HOXB3: variants seen among roughly 807,000 people sequenced by gnomAD.
HOXB3 encodes the protein homeobox B3, also known as homeobox protein Hox-B3.
A neutral mutation model predicts 29.2 loss-of-function variants in HOXB3; 17 were observed. The observed-to-expected ratio is 0.58, with a 90% confidence interval of 0.40 to 0.87. HOXB3 has a LOEUF of 0.87. Among genes scored for constraint, HOXB3 ranks in the 40% least tolerant of loss-of-function variants. The probability of loss-of-function intolerance (pLI) is 0.00; values close to 1 mark genes in which losing one functional copy is unlikely to be tolerated. For synonymous variants in HOXB3, 317 were observed against 285.9 expected (o/e 1.11, Z -1.10); for missense variants, 637 against 616.3 (o/e 1.03, Z -0.35).
intron 2 of HOXB3, among the ~76,000 whole-genome samples, chr17:48,563,482 T>G (rs1435590668): frequency 6.6e-6 from 1 of 152,154 alleles, no homozygotes; most frequent in Non-Finnish European, 1.5e-5. Flanking sequence ...CAAACATACC[T>G]ACACATGTGC....
At chr17:48,582,040 G>C (rs1267825782) in intron 1 of HOXB3, 1 of 152,358 alleles carries the variant, frequency 6.6e-6, no homozygotes, top group African/African-American at 2.4e-5. Flanking sequence ...GGGTCTTTCC[G>C]TGGCTTCCCA....
At chr17:48,568,004 C>A (rs1261783645) in intron 2 of HOXB3, among the ~76,000 whole-genome samples, 1 of 152,190 alleles carries the variant, frequency 6.6e-6, no homozygotes, top group Admixed American at 6.5e-5. Flanking sequence ...ACACATCAGT[C>A]CTATAAATTA....
Position 48,550,609 on chromosome 17 carries a change from A to T in HOXB3, c.1021T>A (p.Tyr341Asn). Residue 341 changes from tyrosine (Y) to asparagine (N), a missense_variant, in exon 5 of 5, where the codon TAC becomes AAC. Coordinates refer to ENST00000498678, the MANE Select transcript of HOXB3 (RefSeq NM_001384749.1). ...CTGCCCTGCATGGTGGGCGTCCCGT[A>T]GGCGCCCCCGTTGGCTTGGAGGACG... ...PHVLQANGGA[Y>N]GTPTMQGSPV... 1 of 1,520,806 alleles carries T rather than the reference A, an allele frequency of 6.6e-7. No individual in the cohort carries two copies. The highest frequency in any genetic ancestry group is 1.3e-5 in the South Asian group (1 of 76,400). 94.2% of individuals were successfully genotyped at this position (1,520,806 alleles called of 1,614,324 possible). A position where few individuals can be genotyped will look rare whatever the true frequency, so the allele number is the denominator to read the frequency against.
intron 1 of HOXB3, chr17:48,582,282 G>C (rs528648985): frequency 6.6e-6 from 1 of 152,464 alleles, no homozygotes; most frequent in East Asian, 1.9e-4. Context: ...GCGCGGGCGA[G>C]GGTACTCACC....
chr17:48,577,954 G>T (rs2069821065), intron 1 of HOXB3: 2 of 1,321,272 alleles, frequency 1.5e-6, no homozygotes, highest in Admixed American at 3.0e-5. Context: ...GGTTCTGGGC[G>T]CAGGGAGGCG....
At position 48,552,510 on chromosome 17, in the gene HOXB3, GA is replaced by G; in HGVS notation, c.-37del. On this transcript the variant is annotated 5_prime_UTR_variant, in exon 4 of 5. Coordinates refer to ENST00000498678, the MANE Select transcript of HOXB3 (RefSeq NM_001384749.1). ...GGCCTGGGCAGTGGGTGGCAACTTG[GA>G]AAGGCCTGATACCCTCAGGACCGGA... is the stretch of plus-strand genomic sequence containing the variant. 1 of 1,512,358 alleles carries G rather than the reference GA, an allele frequency of 6.6e-7. No individual in the cohort carries two copies. 93.7% of individuals were successfully genotyped at this position (1,512,358 alleles called of 1,614,324 possible). A position where few individuals can be genotyped will look rare whatever the true frequency, so the allele number is the denominator to read the frequency against.
chr17:48,567,879 C>T (rs1365390295), intron 2 of HOXB3, among the ~76,000 whole-genome samples: 3 of 152,188 alleles, frequency 2.0e-5, no homozygotes, highest in African/African-American at 7.2e-5. Flanking sequence ...TTTTGTTAGC[C>T]AGGAGGGTGG....
intron 2 of HOXB3, among the ~76,000 whole-genome samples, chr17:48,569,160 C>G (rs1016073464): frequency 6.6e-6 from 1 of 151,760 alleles, no homozygotes; most frequent in Admixed American, 6.6e-5. Context: ...ATTTTCCTGA[C>G]GAATACATAT....
At chr17:48,569,770 G>T (rs1452889328) in intron 2 of HOXB3, among the ~76,000 whole-genome samples, 3 of 152,150 alleles carry the variant, frequency 2.0e-5, no homozygotes, top group Non-Finnish European at 2.9e-5. Flanking sequence ...TTCTCGTTTT[G>T]ATCTTTTCTG....
intron 1 of HOXB3, chr17:48,579,842 C>T (rs1319627595): frequency 2.2e-5 from 11 of 492,390 alleles, no homozygotes; most frequent in South Asian, 3.2e-5. Context: ...AAAATAAGAG[C>T]GGAGTGTTTA....
chr17:48,568,702 TATTGCTATAAATCAA>T (rs2069475408), intron 2 of HOXB3, among the ~76,000 whole-genome samples: 3 of 151,250 alleles, frequency 2.0e-5, no homozygotes, highest in African/African-American at 7.3e-5. Flanking sequence ...CTGACACCCA[TATTGCTATAAATCAA>T]GAAAAAGGTT....
At chr17:48,567,592 A>G (rs1344685831) in intron 2 of HOXB3, among the ~76,000 whole-genome samples, 1 of 152,100 alleles carries the variant, frequency 6.6e-6, no homozygotes, top group Non-Finnish European at 1.5e-5. Context: ...ACATGAAACT[A>G]TAGGAGAAAG....
intron 3 of HOXB3, chr17:48,553,761 A>T (rs2068856728): frequency 1.3e-5 from 2 of 151,950 alleles, no homozygotes; most frequent in South Asian, 4.2e-4. Flanking sequence ...AAAAATAAAG[A>T]TTCAAACTAA....
chr17:48,568,652 GACAC>G (rs61141743), intron 2 of HOXB3, among the ~76,000 whole-genome samples: 1 of 151,524 alleles, frequency 6.6e-6, no homozygotes, highest in African/African-American at 2.4e-5. Flanking sequence ...CACACGCGCG[GACAC>G]ACACACACAC....
intron 4 of HOXB3, chr17:48,551,384 A>T (rs1225400257): frequency 8.9e-6 from 4 of 451,158 alleles, no homozygotes; most frequent in Non-Finnish European, 1.3e-5. Flanking sequence ...TAATAGTGGC[A>T]TTTATTAAGA....
At chr17:48,558,419 A>G (rs1013265243) in intron 2 of HOXB3, among the ~76,000 whole-genome samples, 2 of 152,170 alleles carry the variant, frequency 1.3e-5, no homozygotes, top group Non-Finnish European at 2.9e-5. Flanking sequence ...AGAAAATCTC[A>G]GAGGACATAT....
intron 1 of HOXB3, chr17:48,575,924 G>A (rs2069741857): frequency 6.6e-6 from 1 of 152,464 alleles, no homozygotes; most frequent in African/African-American, 2.4e-5. Flanking sequence ...TTCAGAGGAA[G>A]GCCCTCCCGG....
chr17:48,551,114 GCCACCGCCC>G lies in HOXB3; in HGVS notation c.507_515del (p.Gly176_Gly178del). On this transcript the variant is annotated inframe_deletion, in exon 5 of 5. Transcript: ENST00000498678. Reference sequence around the variant, plus strand: ...TCTTGTCCCCTCCCCCGCCGCCGCCGCCACCGCCCCCGCTGCCACCACTGCCTCCGCCGC... The same window carrying G: ...TCTTGTCCCCTCCCCCGCCGCCGCCGCCGCTGCCACCACTGCCTCCGCCGC... 1.5e-6 allele frequency: 2 copies of G among 1,346,702 alleles called. No homozygotes were observed. The highest frequency in any genetic ancestry group is 1.9e-6 in the Non-Finnish European group (2 of 1,048,076). The allele number at this position is 1,346,702 out of a possible 1,614,324, so 83.4% of individuals were successfully genotyped here. A position where few individuals can be genotyped will look rare whatever the true frequency, so the allele number is the denominator to read the frequency against.
chr17:48,579,714 T>C (rs1005572032), intron 1 of HOXB3: 27 of 263,796 alleles, frequency 1.0e-4, no homozygotes, highest in South Asian at 9.8e-4. Context: ...CTCTAACCAG[T>C]TGAAGGAGGA....
Sources: gnomAD v4.1 joint callset for allele counts (sites outside exome capture counted in the v4.1 genomes callset) on GRCh38, gnomAD v4.1.1 for gene constraint, MANE v1.5 for transcripts, NCBI Gene and HGNC (gene_info 2026-07-23, HGNC 2026-07-21) for gene names.